Variants in DNER observed in about 807,000 individuals in gnomAD.
DNER encodes the protein delta/notch like EGF repeat containing, also known as delta and Notch-like epidermal growth factor-related receptor.
In DNER, 33 loss-of-function variants were observed where a neutral mutation model predicts 78.2. That is an observed-to-expected ratio of 0.42 (90% CI 0.32 to 0.56). DNER has a LOEUF of 0.56. Ranked by LOEUF, DNER falls within the 20% of genes least tolerant of loss-of-function variation. DNER has a pLI of 0.11. For missense variants in DNER, 918 were observed against 975.3 expected, an observed-to-expected ratio of 0.94 and a Z score of 0.78; for synonymous variants, 417 against 384.8, an observed-to-expected ratio of 1.08 and a Z score of -0.98.
chr2:229,634,827 C>G (rs547989629), intron 1 of DNER, among the ~76,000 whole-genome samples: 1 of 152,266 alleles, frequency 6.6e-6, no homozygotes, highest in African/African-American at 2.4e-5. Context: ...AGGTTCACAG[C>G]ACCCGGCCAC....
In DNER at chr2:229,418,795, C is replaced by T. The variant is rs1335106466; in HGVS notation, c.1487-565G>A. Among the ~76,000 whole-genome samples, 3 of 152,190 alleles carry T rather than the reference C, an allele frequency of 2.0e-5. No individual in the cohort carries two copies. The East Asian group carries it at 5.8e-4, about 29-fold the overall frequency. On this transcript the variant is annotated intron_variant, in intron 8 of 12. Transcript: ENST00000341772. ...AATTAGCCAGGCGTGGTGGCGGGCGCCTGTAATCCCAGCTACTCAGTAGGC... is the reference window on the plus strand; with the variant it reads ...AATTAGCCAGGCGTGGTGGCGGGCGTCTGTAATCCCAGCTACTCAGTAGGC...
intron 8 of DNER, among the ~76,000 whole-genome samples, chr2:229,434,106 G>A (rs138252294): frequency 2.6e-5 from 4 of 152,256 alleles, no homozygotes; most frequent in Non-Finnish European, 5.9e-5. Flanking sequence ...TTGTGTGATG[G>A]AAAACAAAAT....
At chr2:229,564,546 C>T (rs555238350) in intron 4 of DNER, among the ~76,000 whole-genome samples, 5 of 150,754 alleles carry the variant, frequency 3.3e-5, no homozygotes, top group Non-Finnish European at 7.4e-5. Context: ...TCATCATCAT[C>T]CTCACCCCAT....
At chr2:229,424,980 C>T (rs1693842509) in intron 8 of DNER, among the ~76,000 whole-genome samples, 1 of 152,222 alleles carries the variant, frequency 6.6e-6, no homozygotes, top group African/African-American at 2.4e-5. Flanking sequence ...TGGAGAACCA[C>T]TGTTCTAGAT....
intron 5 of DNER, among the ~76,000 whole-genome samples, chr2:229,540,217 G>A (rs1214491962): frequency 2.0e-5 from 3 of 152,144 alleles, no homozygotes; most frequent in Non-Finnish European, 2.9e-5. Flanking sequence ...AGGGTAAGTG[G>A]TAGAGACTCA....
intron 4 of DNER, among the ~76,000 whole-genome samples, chr2:229,559,737 T>C (rs1002950157): frequency 6.6e-6 from 1 of 152,228 alleles, no homozygotes; most frequent in Admixed American, 6.5e-5. Flanking sequence ...TTTAAAACTG[T>C]AATGAAGGGG....
intron 5 of DNER, among the ~76,000 whole-genome samples, chr2:229,513,238 T>C (rs564143706): frequency 1.3e-5 from 2 of 152,342 alleles, no homozygotes; most frequent in South Asian, 4.1e-4. Context: ...TGGCCAGACA[T>C]GGAAATGGCA....
chr2:229,610,635 C>T lies in DNER; in HGVS notation c.277-18747G>A, dbSNP rs188267984. ...CGTGATACTTAGGCATCTTAGAGAA[C>T]GGTAAGAGCAGCTTCATTTGGCAAT... is the stretch of plus-strand genomic sequence containing the variant. On this transcript the variant is annotated intron_variant, in intron 1 of 12. Coordinates refer to ENST00000341772, the MANE Select transcript of DNER (RefSeq NM_139072.4). Among the ~76,000 whole-genome samples, 653 of 152,108 alleles carry T rather than the reference C, an allele frequency of 4.3e-3. 15 individuals are homozygous for T. Among genetic ancestry groups the T allele is most frequent in the Middle Eastern group, 3.4e-3 (1 of 294 alleles).
chr2:229,439,220 C>T (rs1455580330), intron 8 of DNER, among the ~76,000 whole-genome samples: 7 of 152,212 alleles, frequency 4.6e-5, no homozygotes, highest in Admixed American at 1.3e-4. Context: ...CAAGAATGCC[C>T]ACTATGGCCA....
At chr2:229,543,243 G>T (rs1183699711) in intron 5 of DNER, among the ~76,000 whole-genome samples, 4 of 152,078 alleles carry the variant, frequency 2.6e-5, no homozygotes, top group African/African-American at 9.7e-5. Context: ...AAACTGATTT[G>T]GATTCTTCAC....
chr2:229,369,656 C>T (rs975603358), intron 11 of DNER, among the ~76,000 whole-genome samples: 3 of 152,100 alleles, frequency 2.0e-5, no homozygotes, highest in Non-Finnish European at 4.4e-5. Context: ...GGCCCTGTGT[C>T]CTTCCTAAAA....
intron 4 of DNER, among the ~76,000 whole-genome samples, chr2:229,564,321 ATCT>A (rs1468440825): frequency 2.7e-5 from 4 of 146,132 alleles, no homozygotes; most frequent in East Asian, 2.1e-4. Flanking sequence ...CACCATCATC[ATCT>A]TCCTCACCCC....
At chr2:229,533,574 G>A (rs1317957710) in intron 5 of DNER, among the ~76,000 whole-genome samples, 2 of 152,116 alleles carry the variant, frequency 1.3e-5, no homozygotes, top group Non-Finnish European at 2.9e-5. Context: ...TTCCAACATT[G>A]TCTGACAATG....
intron 11 of DNER, among the ~76,000 whole-genome samples, chr2:229,372,484 A>G (rs749341967): frequency 2.0e-5 from 3 of 152,188 alleles, no homozygotes; most frequent in Non-Finnish European, 2.9e-5. Flanking sequence ...GAGAAGAACA[A>G]GGGCTGGAAG....
intron 7 of DNER, among the ~76,000 whole-genome samples, chr2:229,462,030 G>C (rs1252189509): frequency 6.6e-6 from 1 of 152,058 alleles, no homozygotes; most frequent in Non-Finnish European, 1.5e-5. Context: ...AATTACAAAA[G>C]AAACCTACTG....
chr2:229,611,534 T>G (rs1026268843), intron 1 of DNER, among the ~76,000 whole-genome samples: 3 of 152,162 alleles, frequency 2.0e-5, no homozygotes, highest in Non-Finnish European at 4.4e-5. Flanking sequence ...AAGAACCAAA[T>G]AGCTGGAATT....
chr2:229,435,475 G>C (rs967296415), intron 8 of DNER, among the ~76,000 whole-genome samples: 1 of 152,180 alleles, frequency 6.6e-6, no homozygotes, highest in Non-Finnish European at 1.5e-5. Flanking sequence ...ACACAGCAAT[G>C]ACTAACTAAT....
At chr2:229,364,504 C>T (rs141428261) in intron 12 of DNER, among the ~76,000 whole-genome samples, 23 of 152,240 alleles carry the variant, frequency 1.5e-4, no homozygotes, top group Non-Finnish European at 2.9e-4. Flanking sequence ...TGCCTCAGTT[C>T]GCTCTGAAAG....
chr2:229,405,895 A>C (rs1693369846), intron 10 of DNER, among the ~76,000 whole-genome samples: 1 of 152,198 alleles, frequency 6.6e-6, no homozygotes, highest in Non-Finnish European at 1.5e-5. Flanking sequence ...GGGAAAAAAA[A>C]CCCGGGATGC....
Sources: allele counts gnomAD v4.1 joint callset (sites outside exome capture counted in the v4.1 genomes callset), GRCh38; gene constraint gnomAD v4.1.1; transcripts MANE v1.5; gene names NCBI Gene and HGNC (gene_info 2026-07-23, HGNC 2026-07-21).